NADK: variants seen among roughly 807,000 people sequenced by gnomAD.
NADK encodes NAD kinase, also known as poly(P)/ATP NAD kinase.
A neutral mutation model predicts 49.8 loss-of-function variants in NADK; 22 were observed. The observed-to-expected ratio is 0.44, with a 90% CI of 0.32 to 0.63. NADK has a LOEUF of 0.63. NADK is among the 30% of genes least tolerant of loss of function. The pLI is 0.06. For synonymous variants in NADK, 268 were observed against 253.7 expected (o/e 1.06, Z -0.54); for missense variants, 438 against 609.4 (o/e 0.72, Z 2.96).
rs1451151477 is a variant in NADK, at chr1:1,751,765, CAAA to C, written c.*1136_*1138del. On this transcript the variant is annotated 3_prime_UTR_variant, in exon 12 of 12. Transcript: ENST00000341426. ...GTGCAAAACTCAGAGAGCAGTTACT[CAAA>C]AAAAAGACACCCGGGCAGCAGTAAC... 6.6e-6 allele frequency: 1 copy of C among 151,054 alleles called. No individual in the cohort carries two copies. Among genetic ancestry groups the C allele is most frequent in the South Asian group, 2.1e-4 (1 of 4,760 alleles). 9.4% of individuals were successfully genotyped at this position (151,054 alleles called of 1,614,324 possible).
In NADK at chr1:1,764,998, A is replaced by T. The variant is rs564288973; in HGVS notation, c.179+230T>A. Reference sequence around the variant, plus strand: ...CTGTGCTGATACAGACAGATAGAGAAACACGGTGGCACCCTGTGCCTGTGC... The same window carrying T: ...CTGTGCTGATACAGACAGATAGAGATACACGGTGGCACCCTGTGCCTGTGC... On this transcript the variant is annotated intron_variant, in intron 2 of 11. Transcript: ENST00000341426. Among the ~76,000 whole-genome samples the T allele has an allele frequency of 3.9e-5, 6 of 152,320 alleles. No individual in the cohort carries two copies. In the East Asian group the frequency reaches 9.6e-4, roughly 24 times the overall value.
At position 1,754,788 on chromosome 1, in the gene NADK, G is replaced by A; in HGVS notation, c.689-90C>T. 2 of 1,264,816 alleles carry A rather than the reference G, an allele frequency of 1.6e-6. No individual in the cohort carries two copies. The highest frequency in any genetic ancestry group is 2.2e-6 in the Non-Finnish European group (2 of 917,070). The allele number at this position is 1,264,816 out of a possible 1,614,324, so 78.3% of individuals were successfully genotyped here. ...CAGGGAGGCCAGTGGGAGTCAGAGG[G>A]CTCTTTCTTCTCCCAAGTTGACACA... On this transcript the variant is annotated intron_variant, in intron 7 of 11. Coordinates refer to ENST00000341426, the MANE Select transcript of NADK (RefSeq NM_023018.5). This position sits in a 1 kb window ranked among gnomAD's most constrained non-coding sequence, Gnocchi z 4.3.
At chr1:1,756,077 C>T (rs1557836651) in intron 6 of NADK, 181 bp downstream of exon 6, 1 of 637,458 alleles carries the variant, frequency 1.6e-6, no homozygotes, top group Non-Finnish European at 2.8e-6. Context: ...TGTGTCCACA[C>T]TGCCCCTGGC....
At chr1:1,776,794 A>G (rs1255332293) in intron 1 of NADK, among the ~76,000 whole-genome samples, 2 of 143,912 alleles carry the variant, frequency 1.4e-5, no homozygotes, top group African/African-American at 5.1e-5. Context: ...AAAAAAAAAA[A>G]GACTGGTCAA....
chr1:1,761,458 T>C (rs1189668352), intron 3 of NADK, among the ~76,000 whole-genome samples: 1 of 152,220 alleles, frequency 6.6e-6, no homozygotes, highest in Non-Finnish European at 1.5e-5. Context: ...AAAACACAGA[T>C]ATCAGATCGA....
chr1:1,766,409 TCAAAAAAAAAAAAAAAAAAAAAAAA>T, intron 1 of NADK, among the ~76,000 whole-genome samples: 1 of 14,196 alleles, frequency 7.0e-5, no homozygotes, highest in African/African-American at 3.0e-4. Context: ...AAACTCCGTC[TCAAAAAAAAAAAAAAAAAAAAAAAA>T]AAAAAAAAAA....
chr1:1,757,821 C>G (rs1645578750), intron 3 of NADK, among the ~76,000 whole-genome samples: 1 of 152,124 alleles, frequency 6.6e-6, no homozygotes, highest in Non-Finnish European at 1.5e-5. Context: ...CCGCTTCCCC[C>G]CCTGCACACA....
At chr1:1,760,190 G>A (rs1005443598) in intron 3 of NADK, among the ~76,000 whole-genome samples, 3 of 152,284 alleles carry the variant, frequency 2.0e-5, no homozygotes, top group African/African-American at 7.2e-5. Context: ...ACTGGATGAG[G>A]GAAAGCAAAC....
intron 6 of NADK, chr1:1,756,021 C>T (rs1645507968): frequency 5.1e-6 from 3 of 589,752 alleles, no homozygotes; most frequent in South Asian, 2.0e-5. Context: ...CCCTGCGCCA[C>T]TCCCTGCTGT....
intron 11 of NADK, 38 bp downstream of exon 11, chr1:1,753,529 G>A: frequency 1.9e-6 from 3 of 1,577,126 alleles, no homozygotes; most frequent in Non-Finnish European, 2.6e-6. Context: ...CGGGGAGGAG[G>A]TTGGCAGGCA....
intron 2 of NADK, among the ~76,000 whole-genome samples, chr1:1,763,206 C>G (rs560786133): frequency 1.3e-5 from 2 of 152,232 alleles, no homozygotes; most frequent in Admixed American, 1.3e-4. Flanking sequence ...AAGTACAGGC[C>G]GGGTGCAGTG....
rs1375844452 is a variant in NADK at position 1,756,358 on chromosome 1, G to A, written c.500-15C>T. ...GTCATCATAATCTAGGAAACACAAA[G>A]CAAAACCAAGAAGAGGCTGTCACAC... is the stretch of plus-strand genomic sequence containing the variant. On this transcript the variant is annotated splice_polypyrimidine_tract_variant and intron_variant, in intron 5 of 11. Coordinates refer to ENST00000341426, the MANE Select transcript of NADK (RefSeq NM_023018.5). 2.5e-6 allele frequency: 4 copies of A among 1,613,204 alleles called. No individual in the cohort carries two copies. Among genetic ancestry groups the A allele is most frequent in the East Asian group, 4.5e-5 (2 of 44,874 alleles).
At chr1:1,758,771 T>A (rs1645616610) in intron 3 of NADK, 15 of 522,266 alleles carry the variant, frequency 2.9e-5, no homozygotes, top group Non-Finnish European at 3.7e-5. Flanking sequence ...GAGGCCACAC[T>A]TCAGCTCCCT....
In NADK at chr1:1,754,439, AC is replaced by A; in HGVS notation, c.844-57del. The A allele has an allele frequency of 6.2e-7, 1 of 1,609,318 alleles. No individual in the cohort carries two copies. The highest frequency in any genetic ancestry group is 8.5e-7 in the Non-Finnish European group (1 of 1,176,720). On this transcript the variant is annotated intron_variant, in intron 8 of 11. Coordinates refer to ENST00000341426, the MANE Select transcript of NADK (RefSeq NM_023018.5). This position sits in a 1 kb window ranked among gnomAD's most constrained non-coding sequence, Gnocchi z 4.3. ...GCGGGGGATGCCGCACGGCTCGCAG[AC>A]ACCCTCCGTCTCACCCAGCCGGGCT... is the stretch of plus-strand genomic sequence containing the variant.
intron 11 of NADK, 45 bp downstream of exon 11, chr1:1,753,522 G>C: frequency 6.4e-7 from 1 of 1,551,464 alleles, no homozygotes. Flanking sequence ...CCTGGCCCGG[G>C]GAGGAGGTTG....
intron 1 of NADK, among the ~76,000 whole-genome samples, chr1:1,770,516 A>G (rs1646015386): frequency 6.6e-6 from 1 of 152,212 alleles, no homozygotes; most frequent in African/African-American, 2.4e-5. Context: ...CTAGCAATAG[A>G]CAACAGGAAA....
chr1:1,776,843 G>A (rs1012649391), intron 1 of NADK, among the ~76,000 whole-genome samples: 3 of 151,750 alleles, frequency 2.0e-5, no homozygotes, highest in Non-Finnish European at 4.4e-5. Context: ...TTGGGAAGTG[G>A]AGGCAGGAGG....
intron 6 of NADK, 138 bp downstream of exon 6, chr1:1,756,120 G>A (rs1265647147): frequency 2.5e-6 from 2 of 794,914 alleles, no homozygotes; most frequent in East Asian, 5.2e-5. Flanking sequence ...CTGCCACCAT[G>A]GGCCTCAGTG....
rs1472750272 is a variant in NADK at position 1,765,305 on chromosome 1, G to GT, written c.101dup (p.Tyr34Ter). The GT allele has an allele frequency of 6.2e-7, 1 of 1,613,518 alleles. No homozygotes were observed. Among genetic ancestry groups the GT allele is most frequent in the Non-Finnish European group, 8.5e-7 (1 of 1,179,814 alleles). ...TGGCCCGGCCCCGGATGGGGTGGTT[G>GT]TAACTCCAGGTCTCATCGCCGTGGC... ...SACHGDETWS[Y>*]NHPIRGRAKS... Residue 34 changes from tyrosine to a stop codon, truncating the protein, a stop_gained and frameshift_variant, in exon 2 of 12, where the codon TAC (tyrosine) becomes TAAC (stop). Coordinates refer to ENST00000341426, the MANE Select transcript of NADK (RefSeq NM_023018.5). LOFTEE classifies it high-confidence loss of function.
Sources: gnomAD v4.1 joint callset for allele counts (sites outside exome capture counted in the v4.1 genomes callset) on GRCh38, gnomAD v4.1.1 for gene constraint, Gnocchi (gnomAD v3.1) non-coding constraint, MANE v1.5 for transcripts, NCBI Gene and HGNC (gene_info 2026-07-23, HGNC 2026-07-21) for gene names.